TAFA1: variants seen among roughly 807,000 people sequenced by gnomAD.
TAFA1 encodes the protein chemokine-like protein TAFA-1.
TAFA1 carries 4 observed loss-of-function variants against 18.5 expected under a neutral mutation model. The ratio of observed to expected loss-of-function variants is 0.22; its 90% CI spans 0.11 to 0.49. The LOEUF (loss-of-function observed/expected upper bound fraction) is 0.49. TAFA1 is among the 20% of genes least tolerant of loss of function. The pLI is 0.98. For missense variants in TAFA1, 147 were observed against 169.0 expected (o/e 0.87, Z 0.72); for synonymous variants, 56 against 55.2 (o/e 1.01, Z -0.06).
At chr3:68,311,261 G>A (rs962804384) in intron 2 of TAFA1, among the ~76,000 whole-genome samples, 1 of 152,114 alleles carries the variant, frequency 6.6e-6, no homozygotes, top group Non-Finnish European at 1.5e-5. Context: ...TTTGGGTGGG[G>A]ACACAGAGCC....
Position 68,325,935 on chromosome 3 carries a change from C to A in TAFA1, c.119-91345C>A, listed in dbSNP as rs2068770739. Reference sequence around the variant, plus strand: ...GAGACTGGAACCCAGATCCCAAATTCACAATCACTGCTTTGTGATTGGGAA... The same window carrying A: ...GAGACTGGAACCCAGATCCCAAATTAACAATCACTGCTTTGTGATTGGGAA... On this transcript the variant is annotated intron_variant, in intron 2 of 4. Transcript: ENST00000478136. 2.0e-5 allele frequency among the ~76,000 whole-genome samples: 3 copies of A among 152,138 alleles called. No homozygotes were observed. In the South Asian group the frequency reaches 6.2e-4, roughly 32 times the overall value.
At position 68,207,567 on chromosome 3, in the gene TAFA1, C is replaced by T. The variant is rs189325578; in HGVS notation, c.118+200823C>T. ...TCTGAAACTCTGAGGGTAAGTCTAG[C>T]AGTCACTGTTTAATCAAGCCTACCA... is the stretch of plus-strand genomic sequence containing the variant. On this transcript the variant is annotated intron_variant, in intron 2 of 4. Coordinates refer to ENST00000478136, the MANE Select transcript of TAFA1 (RefSeq NM_213609.4). Among the ~76,000 whole-genome samples, 1,064 of 151,996 alleles carry T rather than the reference C, an allele frequency of 7.0e-3. 16 individuals carry two copies. The highest frequency in any genetic ancestry group is 0.025 in the African/African-American group (1,021 of 41,516).
In TAFA1 at chr3:68,339,099, A is replaced by G. The variant is rs867219723; in HGVS notation, c.119-78181A>G. On this transcript the variant is annotated intron_variant, in intron 2 of 4. Coordinates refer to ENST00000478136, the MANE Select transcript of TAFA1 (RefSeq NM_213609.4). The stretch of plus-strand genomic sequence containing the variant: ...AAAGCAAGTCGCATGGCCAAAACCA[A>G]TATCAGTGTGATGAGAAGTGTGGAA... Among the ~76,000 whole-genome samples the G allele has an allele frequency of 1.2e-4, 19 of 152,356 alleles. No homozygotes were observed. In the South Asian group the frequency reaches 2.1e-3, roughly 17 times the overall value.
At chr3:68,202,960 TA>T (rs1471793382) in intron 2 of TAFA1, among the ~76,000 whole-genome samples, 1 of 151,756 alleles carries the variant, frequency 6.6e-6, no homozygotes, top group Non-Finnish European at 1.5e-5. Context: ...TTCTTCTCTC[TA>T]AAGAACTTTT....
intron 2 of TAFA1, among the ~76,000 whole-genome samples, chr3:68,308,686 A>C (rs1350996990): frequency 6.6e-6 from 1 of 152,080 alleles, no homozygotes. Flanking sequence ...TTCTCATCAA[A>C]TGATTTCATC....
At chr3:67,997,420 T>G in the TAFA1 span, among the ~76,000 whole-genome samples, 4 of 152,182 alleles carry the variant, frequency 2.6e-5, no homozygotes, top group African/African-American at 9.7e-5. Flanking sequence ...CAGAGTTCAT[T>G]ATCTCATTCC....
intron 2 of TAFA1, among the ~76,000 whole-genome samples, chr3:68,174,711 T>G (rs768422103): frequency 2.6e-5 from 4 of 152,132 alleles, no homozygotes; most frequent in Non-Finnish European, 5.9e-5. Flanking sequence ...AGCATGAAAG[T>G]TGGAAAATTT....
intron 3 of TAFA1, among the ~76,000 whole-genome samples, chr3:68,444,798 ATATATATATATAT>A (rs1559673076): frequency 5.3e-4 from 70 of 132,810 alleles, no homozygotes; most frequent in African/African-American, 5.9e-4. Context: ...ATATATATAT[ATATATATATATAT>A]AAAATAAATT....
intron 2 of TAFA1, among the ~76,000 whole-genome samples, chr3:68,204,149 C>G (rs997749825): frequency 1.3e-5 from 2 of 151,710 alleles, no homozygotes; most frequent in African/African-American, 4.8e-5. Context: ...GGATTTTGCC[C>G]TGTGACCTCA....
At chr3:68,440,593 C>T (rs2071358594) in intron 3 of TAFA1, among the ~76,000 whole-genome samples, 1 of 152,154 alleles carries the variant, frequency 6.6e-6, no homozygotes, top group South Asian at 2.1e-4. Flanking sequence ...ATTCCCTTTG[C>T]CTTCAGCAAA....
chr3:68,391,386 G>A (rs1350085032), intron 2 of TAFA1, among the ~76,000 whole-genome samples: 1 of 152,096 alleles, frequency 6.6e-6, no homozygotes, highest in Non-Finnish European at 1.5e-5. Flanking sequence ...ACCTATGTTT[G>A]GTGTACCTGA....
chr3:68,084,918 A>T (rs1238277372), intron 2 of TAFA1, among the ~76,000 whole-genome samples: 2 of 151,964 alleles, frequency 1.3e-5, no homozygotes, highest in Non-Finnish European at 2.9e-5. Context: ...TTGTTGCAGC[A>T]CTTTGAAATA....
At chr3:68,023,168 G>A (rs994732142) in intron 2 of TAFA1, among the ~76,000 whole-genome samples, 6 of 151,958 alleles carry the variant, frequency 3.9e-5, no homozygotes, top group Non-Finnish European at 8.8e-5. Context: ...GATGGACAGC[G>A]TTAAGATGGA....
At chr3:68,083,591 G>C (rs77453743) in intron 2 of TAFA1, among the ~76,000 whole-genome samples, 221 of 152,296 alleles carry the variant, frequency 1.5e-3, no homozygotes, top group African/African-American at 5.2e-3. Context: ...GGGCTCTCTT[G>C]ACAACTTGTG....
chr3:68,196,667 C>T (rs2066414374), intron 2 of TAFA1, among the ~76,000 whole-genome samples: 1 of 151,652 alleles, frequency 6.6e-6, no homozygotes, highest in Non-Finnish European at 1.5e-5. Flanking sequence ...TGATTGGAAC[C>T]AAGGCTCAAA....
chr3:68,335,777 G>A (rs1278675239), intron 2 of TAFA1, among the ~76,000 whole-genome samples: 1 of 152,146 alleles, frequency 6.6e-6, no homozygotes, highest in East Asian at 1.9e-4. Context: ...ACACCCAGTT[G>A]CCGCTGAATT....
At chr3:68,395,300 G>C (rs1452272371) in intron 2 of TAFA1, among the ~76,000 whole-genome samples, 1 of 152,174 alleles carries the variant, frequency 6.6e-6, no homozygotes, top group East Asian at 1.9e-4. Flanking sequence ...AACAGGTGCT[G>C]GAGAGGATGT....
intron 2 of TAFA1, among the ~76,000 whole-genome samples, chr3:68,296,747 A>G (rs1294523684): frequency 1.3e-5 from 2 of 152,172 alleles, no homozygotes; most frequent in African/African-American, 4.8e-5. Context: ...CCATGTGCAG[A>G]CACTGTGCTA....
intron 2 of TAFA1, among the ~76,000 whole-genome samples, chr3:68,194,090 A>C (rs1207492800): frequency 6.6e-6 from 1 of 151,750 alleles, no homozygotes; most frequent in Non-Finnish European, 1.5e-5. Context: ...ACTCAACAGG[A>C]CTGGTGAAAT....
Sources: gnomAD v4.1 joint callset for allele counts (sites outside exome capture counted in the v4.1 genomes callset) on GRCh38, gnomAD v4.1.1 for gene constraint, MANE v1.5 for transcripts, NCBI Gene and HGNC (gene_info 2026-07-23, HGNC 2026-07-21) for gene names.